The following NPSR1 variants were observed in gnomAD, a reference collection of about 807,000 sequenced individuals.
NPSR1 encodes neuropeptide S receptor 1.
A neutral mutation model predicts 46.9 loss-of-function variants in NPSR1; 48 were observed. The ratio of observed to expected loss-of-function variants is 1.02; its 90% confidence interval spans 0.81 to 1.30. The LOEUF (loss-of-function observed/expected upper bound fraction) is 1.30, where lower values mean the gene tolerates loss of function less well. Ranked by LOEUF, NPSR1 falls within the 50% of genes most tolerant of loss-of-function variation. NPSR1 has a pLI of 0.00. For synonymous variants in NPSR1, 176 were observed against 168.1 expected (o/e 1.05, Z -0.36); for missense variants, 450 against 449.5 (o/e 1.00, Z -0.01).
intron 6 of NPSR1, among the ~76,000 whole-genome samples, chr7:34,843,307 G>A (rs1008303992): frequency 6.6e-6 from 1 of 152,214 alleles, no homozygotes; most frequent in African/African-American, 2.4e-5. Context: ...TCCCATGGCA[G>A]AAAACAGAGG....
chr7:34,739,582 A>AT (rs1239313023), intron 2 of NPSR1, among the ~76,000 whole-genome samples: 3 of 152,118 alleles, frequency 2.0e-5, no homozygotes, highest in African/African-American at 7.2e-5. Flanking sequence ...TTTTAGTTGC[A>AT]TGTCCCACAG....
intron 2 of NPSR1, among the ~76,000 whole-genome samples, chr7:34,772,066 A>C (rs1454475519): frequency 6.6e-6 from 1 of 152,138 alleles, no homozygotes; most frequent in Non-Finnish European, 1.5e-5. Context: ...GTGAGTCTCT[A>C]ATTATTTCAA....
chr7:34,694,377 C>G (rs896857180), intron 2 of NPSR1, among the ~76,000 whole-genome samples: 1 of 151,882 alleles, frequency 6.6e-6, no homozygotes, highest in Non-Finnish European at 1.5e-5. Flanking sequence ...AGGCTGAGAA[C>G]CAAATCAAGA....
chr7:34,760,525 G>A (rs1412519899), intron 2 of NPSR1, among the ~76,000 whole-genome samples: 1 of 152,156 alleles, frequency 6.6e-6, no homozygotes, highest in African/African-American at 2.4e-5. Flanking sequence ...TAGCCATGCT[G>A]TGTACTGCCC....
chr7:34,825,563 G>C (rs1789786829), intron 4 of NPSR1, among the ~76,000 whole-genome samples: 1 of 152,172 alleles, frequency 6.6e-6, no homozygotes, highest in African/African-American at 2.4e-5. Context: ...TGTTAAAAAA[G>C]ATCCTGCCCC....
chr7:34,661,396 A>C (rs1368929318), intron 1 of NPSR1, among the ~76,000 whole-genome samples: 1 of 152,166 alleles, frequency 6.6e-6, no homozygotes, highest in Non-Finnish European at 1.5e-5. Context: ...TCTCTATTGC[A>C]TGGCAGCCTT....
At chr7:34,745,769 C>A (rs1467631750) in intron 2 of NPSR1, among the ~76,000 whole-genome samples, 7 of 152,212 alleles carry the variant, frequency 4.6e-5, no homozygotes, top group African/African-American at 1.7e-4. Flanking sequence ...CTGCCTTGGT[C>A]TCCCAAATTG....
chr7:34,795,522 CA>C (rs1788134198), intron 3 of NPSR1, among the ~76,000 whole-genome samples: 1 of 151,700 alleles, frequency 6.6e-6, no homozygotes, highest in African/African-American at 2.4e-5. Context: ...AATAATTAAC[CA>C]AAAAAACTCT....
rs574705502 is a variant in NPSR1, at chr7:34,774,713, G to A, written c.281-3749G>A. Among the ~76,000 whole-genome samples, 9 of 152,204 alleles carry A rather than the reference G, an allele frequency of 5.9e-5. No individual in the cohort carries two copies. The East Asian group carries it at 1.7e-3, about 29-fold the overall frequency. On this transcript the variant is annotated intron_variant, in intron 2 of 8. Transcript: ENST00000360581. ...TCCCCACTAACACATTCAGCACCAT[G>A]GGGTCCACCAGATCATATGCCTCAA...
intron 2 of NPSR1, among the ~76,000 whole-genome samples, chr7:34,696,278 AG>A: frequency 6.6e-6 from 1 of 152,112 alleles, no homozygotes; most frequent in East Asian, 1.9e-4. Flanking sequence ...ATAGATAAAA[AG>A]ATGGAAATAA....
chr7:34,729,202 G>A (rs1425099248), intron 2 of NPSR1, among the ~76,000 whole-genome samples: 3 of 152,116 alleles, frequency 2.0e-5, no homozygotes, highest in East Asian at 3.9e-4. Flanking sequence ...CCTACAGACT[G>A]CTTGGCCTTG....
downstream of NPSR1, among the ~76,000 whole-genome samples, chr7:34,850,730 CTG>C (rs1367584693): frequency 6.6e-6 from 1 of 152,148 alleles, no homozygotes; most frequent in East Asian, 1.9e-4. Context: ...ACCTCTCACT[CTG>C]TATTTAACAC....
chr7:34,780,199 G>C (rs1757103395), intron 3 of NPSR1, among the ~76,000 whole-genome samples: 1 of 152,108 alleles, frequency 6.6e-6, no homozygotes, highest in South Asian at 2.1e-4. Context: ...AATCAACTTG[G>C]ATTCAGTATG....
intron 3 of NPSR1, among the ~76,000 whole-genome samples, chr7:34,784,113 A>C (rs1407846792): frequency 6.6e-6 from 1 of 152,188 alleles, no homozygotes. Flanking sequence ...TAGATATACA[A>C]TCATGTCATC....
intron 8 of NPSR1, among the ~76,000 whole-genome samples, chr7:34,873,379 C>A (rs572928843): frequency 1.3e-5 from 2 of 151,720 alleles, no homozygotes; most frequent in African/African-American, 4.9e-5. Flanking sequence ...TTGTGTTATG[C>A]CATTCTTACA....
chr7:34,826,310 G>C (rs1562758058), intron 4 of NPSR1, among the ~76,000 whole-genome samples: 1 of 152,132 alleles, frequency 6.6e-6, no homozygotes, highest in Non-Finnish European at 1.5e-5. Context: ...CAGAACCCTA[G>C]ATATTATTCT....
intron 3 of NPSR1, among the ~76,000 whole-genome samples, chr7:34,785,575 TAAAA>T (rs1236793115): frequency 1.1e-4 from 16 of 152,002 alleles, no homozygotes; most frequent in Non-Finnish European, 4.4e-5. Flanking sequence ...CACTCACTGT[TAAAA>T]GTAAGTACAT....
At chr7:34,785,186 G>A (rs1337859723) in intron 3 of NPSR1, among the ~76,000 whole-genome samples, 1 of 151,866 alleles carries the variant, frequency 6.6e-6, no homozygotes, top group East Asian at 1.9e-4. Flanking sequence ...ATACACCACG[G>A]AATACTATGC....
chr7:34,759,939 C>A (rs1164437027), intron 2 of NPSR1, among the ~76,000 whole-genome samples: 1 of 152,198 alleles, frequency 6.6e-6, no homozygotes, highest in African/African-American at 2.4e-5. Flanking sequence ...GTGGCCCAAT[C>A]CCTGAACTAA....
Sources: allele counts gnomAD v4.1 joint callset (sites outside exome capture counted in the v4.1 genomes callset), GRCh38; gene constraint gnomAD v4.1.1; transcripts MANE v1.5; gene names NCBI Gene and HGNC (gene_info 2026-07-23, HGNC 2026-07-21).